Variants in PARD3 observed in about 807,000 individuals in gnomAD.
PARD3 encodes partitioning defective 3 homolog.
A neutral mutation model predicts 155.4 loss-of-function variants in PARD3; 75 were observed. That is an observed-to-expected ratio of 0.48 (90% CI 0.40 to 0.58). The LOEUF is 0.58. Ranked by LOEUF, PARD3 falls within the 20% of genes least tolerant of loss-of-function variation. The pLI is 0.00. For missense variants in PARD3, 1,642 were observed against 1,721.7 expected (o/e 0.95, Z 0.82); for synonymous variants, 576 against 610.5 (o/e 0.94, Z 0.83).
chr10:34,469,681 A>C (rs955176323), intron 4 of PARD3, among the ~76,000 whole-genome samples: 2 of 152,174 alleles, frequency 1.3e-5, no homozygotes, highest in Admixed American at 6.5e-5. Flanking sequence ...TTGCTTATAA[A>C]TGTGTCAAAT....
At chr10:34,117,693 C>T (rs1338607968) in intron 24 of PARD3, among the ~76,000 whole-genome samples, 1 of 152,172 alleles carries the variant, frequency 6.6e-6, no homozygotes, top group African/African-American at 2.4e-5. Flanking sequence ...GGGCAGATCA[C>T]TTGAGGCCAG....
intron 2 of PARD3, among the ~76,000 whole-genome samples, chr10:34,668,707 T>C (rs567419874): frequency 2.5e-4 from 38 of 152,326 alleles, no homozygotes; most frequent in African/African-American, 7.2e-4. Flanking sequence ...GCACAGTGGC[T>C]CATGCCTATA....
At chr10:34,724,699 A>G (rs996322888) in intron 1 of PARD3, among the ~76,000 whole-genome samples, 5 of 152,218 alleles carry the variant, frequency 3.3e-5, no homozygotes, top group Non-Finnish European at 7.3e-5. Flanking sequence ...TATATTATTA[A>G]CTCAGGACAA....
chr10:34,502,213 C>T (rs1375298349), intron 3 of PARD3, among the ~76,000 whole-genome samples: 1 of 152,134 alleles, frequency 6.6e-6, no homozygotes, highest in African/African-American at 2.4e-5. Context: ...CTGAGTCTCA[C>T]TCAATTCAAG....
intron 20 of PARD3, among the ~76,000 whole-genome samples, chr10:34,284,901 A>G (rs1310415391): frequency 2.0e-5 from 3 of 152,212 alleles, no homozygotes; most frequent in African/African-American, 7.2e-5. Context: ...AAAAACAAAC[A>G]CACGGAACAA....
At chr10:34,146,566 G>C (rs1948515310) in intron 22 of PARD3, among the ~76,000 whole-genome samples, 1 of 152,134 alleles carries the variant, frequency 6.6e-6, no homozygotes, top group African/African-American at 2.4e-5. Context: ...ACTCAAACTA[G>C]TTTTCCTTTC....
chr10:34,111,578 C>A lies in PARD3; in HGVS notation c.3669-16G>T, dbSNP rs376937491. ...CCTGCTTTGCCTAGAAAGCAAAACC[C>A]AAAGGTTAGTGTGAGGGTAGGAAGA... On this transcript the variant is annotated splice_polypyrimidine_tract_variant and intron_variant, in intron 24 of 24. Coordinates refer to ENST00000374788, the MANE Select transcript of PARD3 (RefSeq NM_001184785.2). 7.6e-6 allele frequency: 12 copies of A among 1,582,872 alleles called. No homozygotes were observed. The African/African-American group carries it at 1.4e-4, about 18-fold the overall frequency.
At chr10:34,425,714 G>A (rs1230480061) in intron 5 of PARD3, among the ~76,000 whole-genome samples, 1 of 152,200 alleles carries the variant, frequency 6.6e-6, no homozygotes, top group African/African-American at 2.4e-5. Context: ...TGGGCATGGG[G>A]ACATGCTACT....
chr10:34,377,872 G>A (rs1022432438), intron 10 of PARD3, 95 bp downstream of exon 10: 1 of 991,188 alleles, frequency 1.0e-6, no homozygotes, highest in South Asian at 2.2e-5. Flanking sequence ...GTATATAACT[G>A]AATTTCATAT....
chr10:34,349,599 A>AAAAAAAAAAAAAAAAAAC (rs1837812556), intron 14 of PARD3, among the ~76,000 whole-genome samples: 1 of 148,448 alleles, frequency 6.7e-6, no homozygotes, highest in African/African-American at 2.5e-5. Flanking sequence ...AAAAAAAAAA[A>AAAAAAAAAAAAAAAAAAC]AAAAAAAAAA....
chr10:34,555,903 A>T (rs539212913), intron 2 of PARD3, among the ~76,000 whole-genome samples: 45 of 152,348 alleles, frequency 3.0e-4, no homozygotes, highest in African/African-American at 1.1e-3. Flanking sequence ...CACTGATGAC[A>T]TCAGGGTTGG....
intron 22 of PARD3, among the ~76,000 whole-genome samples, chr10:34,244,895 A>G (rs189824044): frequency 2.6e-5 from 4 of 152,276 alleles, no homozygotes; most frequent in East Asian, 1.9e-4. Context: ...TCTCCTTAAG[A>G]TAAGTTCTTA....
chr10:34,391,060 T>C (rs985759254), intron 7 of PARD3, among the ~76,000 whole-genome samples: 1 of 152,214 alleles, frequency 6.6e-6, no homozygotes, highest in Non-Finnish European at 1.5e-5. Flanking sequence ...AAAAGTGTCA[T>C]CTTAAACTGC....
chr10:34,379,139 G>C lies in PARD3; in HGVS notation c.1400-1033C>G, dbSNP rs114985749. On this transcript the variant is annotated intron_variant, in intron 9 of 24. Transcript: ENST00000374788. ...TTGCTCATTATGGGAAGAATAAAGAGATCTGTAAAGGTGAAAAATCTAGAA... is the reference window on the plus strand; with the variant it reads ...TTGCTCATTATGGGAAGAATAAAGACATCTGTAAAGGTGAAAAATCTAGAA... 2.4e-3 allele frequency among the ~76,000 whole-genome samples: 366 copies of C among 152,150 alleles called. 3 individuals are homozygous for C. The highest frequency in any genetic ancestry group is 8.0e-3 in the African/African-American group (333 of 41,538).
chr10:34,196,354 T>TA lies in PARD3; in HGVS notation c.3420-64772dup, dbSNP rs1052100333. Among the ~76,000 whole-genome samples, 4 of 152,150 alleles carry TA rather than the reference T, an allele frequency of 2.6e-5. No homozygotes were observed. In the East Asian group the frequency reaches 5.8e-4, roughly 22 times the overall value. On this transcript the variant is annotated intron_variant, in intron 22 of 24. Transcript: ENST00000374788. The stretch of plus-strand genomic sequence containing the variant: ...AGAGCACTCTCATTTGAGAGTCACT[T>TA]AAAAAAATCACCTTTATTCTTAATA...
chr10:34,273,496 G>C (rs912112473), intron 21 of PARD3, among the ~76,000 whole-genome samples: 11 of 152,176 alleles, frequency 7.2e-5, no homozygotes, highest in Non-Finnish European at 1.5e-4. Flanking sequence ...TACAGAGGAA[G>C]ACCTCTGTGA....
intron 2 of PARD3, among the ~76,000 whole-genome samples, chr10:34,588,221 A>G (rs2088288805): frequency 1.3e-5 from 2 of 152,202 alleles, no homozygotes; most frequent in South Asian, 2.1e-4. Flanking sequence ...GAAATGTAAG[A>G]TAACATCTTA....
At chr10:34,187,487 A>G (rs559279594) in intron 22 of PARD3, among the ~76,000 whole-genome samples, 1 of 152,278 alleles carries the variant, frequency 6.6e-6, no homozygotes, top group Non-Finnish European at 1.5e-5. Context: ...CTCCTCTCAC[A>G]GGGGGGAAAA....
chr10:34,207,904 T>C (rs1024599949), intron 22 of PARD3, among the ~76,000 whole-genome samples: 2 of 152,116 alleles, frequency 1.3e-5, no homozygotes, highest in African/African-American at 4.8e-5. Flanking sequence ...TGTCAGAAAA[T>C]AGACATTTTT....
Sources: allele counts gnomAD v4.1 joint callset (sites outside exome capture counted in the v4.1 genomes callset), GRCh38; gene constraint gnomAD v4.1.1; transcripts MANE v1.5; gene names NCBI Gene and HGNC (gene_info 2026-07-23, HGNC 2026-07-21).